Variants in ABHD12 observed in about 807,000 individuals in gnomAD.
ABHD12 encodes lysophosphatidylserine lipase ABHD12.
A neutral mutation model predicts 58.3 loss-of-function variants in ABHD12; 43 were observed. The ratio of observed to expected loss-of-function variants is 0.74; its 90% CI spans 0.58 to 0.95. ABHD12 has a LOEUF of 0.95. Ranked by LOEUF, ABHD12 falls within the 40% of genes least tolerant of loss-of-function variation. The probability of loss-of-function intolerance (pLI) is 0.00; values close to 1 mark genes in which losing one functional copy is unlikely to be tolerated. For synonymous variants in ABHD12, 219 were observed against 211.2 expected, an observed-to-expected ratio of 1.04 and a Z score of -0.32; for missense variants, 539 against 537.2, an observed-to-expected ratio of 1.00 and a Z score of -0.03.
chr20:25,312,263 C>T (rs1311113052), intron 6 of ABHD12, among the ~76,000 whole-genome samples: 1 of 152,188 alleles, frequency 6.6e-6, no homozygotes, highest in Non-Finnish European at 1.5e-5. Context: ...CATCTCGGCT[C>T]ACTGCAACCT....
chr20:25,302,977 C>T (rs2088665057), intron 11 of ABHD12, among the ~76,000 whole-genome samples: 1 of 152,244 alleles, frequency 6.6e-6, no homozygotes, highest in Non-Finnish European at 1.5e-5. Flanking sequence ...TTACCCTACT[C>T]TGAGCCACAA....
intron 6 of ABHD12, among the ~76,000 whole-genome samples, chr20:25,312,303 C>T (rs1025418640): frequency 1.3e-5 from 2 of 152,158 alleles, no homozygotes; most frequent in Non-Finnish European, 2.9e-5. Context: ...CTCAGCCTGC[C>T]GAGTGCCTGT....
intron 2 of ABHD12, among the ~76,000 whole-genome samples, chr20:25,334,596 C>T (rs1429174292): frequency 6.6e-6 from 1 of 151,840 alleles, no homozygotes. Context: ...GGTACTGGTA[C>T]CAAAACAGAG....
chr20:25,310,300 C>T (rs558309963), intron 6 of ABHD12: 1 of 152,416 alleles, frequency 6.6e-6, no homozygotes, highest in Admixed American at 6.5e-5. Flanking sequence ...AACCATGACC[C>T]AGGAAGGGGA....
chr20:25,372,088 A>G (rs1437089883), intron 1 of ABHD12, among the ~76,000 whole-genome samples: 1 of 151,896 alleles, frequency 6.6e-6, no homozygotes, highest in Non-Finnish European at 1.5e-5. Context: ...TGAAGCCCCA[A>G]ATTCCTGGGT....
intron 2 of ABHD12, 85 bp from the exon 3 acceptor site, chr20:25,323,515 GCA>G (rs2089119430): frequency 3.6e-6 from 3 of 835,886 alleles, no homozygotes; most frequent in Non-Finnish European, 4.2e-6. Context: ...TCACACACGT[GCA>G]CAGATATGCA....
chr20:25,326,977 T>C (rs762582760), intron 2 of ABHD12, among the ~76,000 whole-genome samples: 17 of 152,356 alleles, frequency 1.1e-4, no homozygotes, highest in Middle Eastern at 3.4e-3. Context: ...ACAATAGTAA[T>C]GCCTTTGCCA....
chr20:25,296,276 C>T (rs149988536), downstream of ABHD12: 32 of 1,486,412 alleles, frequency 2.2e-5, no homozygotes, highest in African/African-American at 1.7e-4. Context: ...GCTCGGAGCT[C>T]ATTTGGAAAC....
Position 25,377,699 on chromosome 20 carries a change from TTTTG to T in ABHD12, c.191+12810_191+12813del, listed in dbSNP as rs1214688288. On this transcript the variant is annotated intron_variant, in intron 1 of 12. Coordinates refer to ENST00000339157, the MANE Select transcript of ABHD12 (RefSeq NM_001042472.3). ...CTCCCAAAGGTCCCACCTCTAGTTT[TTTTG>T]TTTGTTTGTTTTGAGATGGAATCTT... Among the ~76,000 whole-genome samples, 7 of 152,256 alleles carry T rather than the reference TTTTG, an allele frequency of 4.6e-5. No individual in the cohort carries two copies. In the East Asian group the frequency reaches 5.8e-4, roughly 13 times the overall value.
intron 1 of ABHD12, among the ~76,000 whole-genome samples, chr20:25,385,331 CAAAAAAAAAAAAAAA>C (rs11477490): frequency 1.9e-5 from 1 of 51,718 alleles, no homozygotes; most frequent in Non-Finnish European, 3.4e-5. Context: ...GAGTGAGACT[CAAAAAAAAAAAAAAA>C]AAAAAAAAAG....
chr20:25,302,183 C>A (rs781689566), intron 12 of ABHD12, 36 bp downstream of exon 12: 1 of 1,612,046 alleles, frequency 6.2e-7, no homozygotes. Flanking sequence ...CAGTGCTGCC[C>A]AGACGAAGCC....
At chr20:25,295,734 C>A, downstream of ABHD12, 1 of 1,496,114 alleles carries the variant, frequency 6.7e-7, no homozygotes, top group Non-Finnish European at 9.3e-7. Flanking sequence ...CGTGTTGGGT[C>A]AGATTGTTTA....
chr20:25,384,385 A>T (rs2090061343), intron 1 of ABHD12, among the ~76,000 whole-genome samples: 1 of 151,166 alleles, frequency 6.6e-6, no homozygotes, highest in Non-Finnish European at 1.5e-5. Flanking sequence ...TACCAATGTT[A>T]AAAAAGTTGG....
chr20:25,303,295 T>C (rs2088671449), intron 11 of ABHD12: 1 of 1,318,852 alleles, frequency 7.6e-7, no homozygotes, highest in Non-Finnish European at 9.7e-7. Flanking sequence ...ATCTGCTTAT[T>C]TTTCATATTC....
chr20:25,328,058 T>C (rs1449654530), intron 2 of ABHD12, among the ~76,000 whole-genome samples: 2 of 150,772 alleles, frequency 1.3e-5, no homozygotes, highest in African/African-American at 2.4e-5. Context: ...GATCCCTGAA[T>C]GCTACGGGAG....
At chr20:25,335,456 G>A (rs2089347963) in intron 2 of ABHD12, among the ~76,000 whole-genome samples, 1 of 146,196 alleles carries the variant, frequency 6.8e-6, no homozygotes, top group African/African-American at 2.6e-5. Flanking sequence ...CCCATTACTG[G>A]GTATATACCC....
At chr20:25,354,155 G>A (rs2089638312) in intron 1 of ABHD12, among the ~76,000 whole-genome samples, 1 of 152,312 alleles carries the variant, frequency 6.6e-6, no homozygotes, top group Admixed American at 6.5e-5. Flanking sequence ...AAATGGGTAG[G>A]AATTTATAGC....
At chr20:25,348,002 G>C (rs2089543145) in intron 1 of ABHD12, among the ~76,000 whole-genome samples, 1 of 151,694 alleles carries the variant, frequency 6.6e-6, no homozygotes, top group Non-Finnish European at 1.5e-5. Context: ...ACGAGGTCAG[G>C]AGATCAAGAT....
chr20:25,362,424 G>A (rs548095224), intron 1 of ABHD12, among the ~76,000 whole-genome samples: 13 of 151,950 alleles, frequency 8.6e-5, no homozygotes, highest in African/African-American at 1.2e-4. Context: ...AAAATCAGCC[G>A]GGCGTGGTGG....
Sources: allele counts gnomAD v4.1 joint callset (sites outside exome capture counted in the v4.1 genomes callset), GRCh38; gene constraint gnomAD v4.1.1; transcripts MANE v1.5; gene names NCBI Gene and HGNC (gene_info 2026-07-23, HGNC 2026-07-21).